The following FAM135A variants were observed in gnomAD, a reference collection of about 807,000 sequenced individuals.
FAM135A encodes the protein protein FAM135A.
A neutral mutation model predicts 146.8 loss-of-function variants in FAM135A; 79 were observed. The ratio of observed to expected loss-of-function variants is 0.54; its 90% confidence interval spans 0.45 to 0.65. The LOEUF is 0.65. FAM135A is among the 30% of genes least tolerant of loss of function. The probability of loss-of-function intolerance (pLI) is 0.00; values close to 1 mark genes in which losing one functional copy is unlikely to be tolerated. For missense variants in FAM135A, 1,623 were observed against 1,758.2 expected (o/e 0.92, Z 1.38); for synonymous variants, 562 against 603.6 (o/e 0.93, Z 1.01).
At chr6:70,496,858 G>T (rs1261096116) in intron 11 of FAM135A, among the ~76,000 whole-genome samples, 1 of 151,418 alleles carries the variant, frequency 6.6e-6, no homozygotes, top group African/African-American at 2.4e-5. Context: ...CTGTTCCATT[G>T]GTCTATGTAT....
At chr6:70,451,476 G>A (rs963606238) in intron 4 of FAM135A, among the ~76,000 whole-genome samples, 6 of 151,976 alleles carry the variant, frequency 3.9e-5, no homozygotes, top group African/African-American at 1.5e-4. Flanking sequence ...GTTTTCTCAT[G>A]TTTTCAAGCA....
intron 10 of FAM135A, among the ~76,000 whole-genome samples, chr6:70,488,048 T>C (rs949597062): frequency 6.6e-6 from 1 of 152,158 alleles, no homozygotes; most frequent in East Asian, 1.9e-4. Context: ...GTTAGATACA[T>C]GTACCCTTTG....
intron 5 of FAM135A, among the ~76,000 whole-genome samples, chr6:70,463,159 A>C (rs1234203956): frequency 6.6e-6 from 1 of 152,154 alleles, no homozygotes; most frequent in East Asian, 1.9e-4. Context: ...TATTTTGTGC[A>C]TGCTCTCCTC....
At chr6:70,487,857 T>A (rs902690425) in intron 10 of FAM135A, among the ~76,000 whole-genome samples, 5 of 152,170 alleles carry the variant, frequency 3.3e-5, no homozygotes, top group East Asian at 1.9e-4. Context: ...ATCTATTTTT[T>A]AAAAATGGGC....
intron 19 of FAM135A, among the ~76,000 whole-genome samples, chr6:70,537,817 GTTA>G (rs1199742494): frequency 6.6e-6 from 1 of 152,140 alleles, no homozygotes; most frequent in Admixed American, 6.5e-5. Context: ...ATATTCAGCT[GTTA>G]TTAGAAAACA....
chr6:70,516,677 G>A (rs1792329362), intron 12 of FAM135A, among the ~76,000 whole-genome samples: 1 of 151,628 alleles, frequency 6.6e-6, no homozygotes, highest in African/African-American at 2.4e-5. Context: ...TGGGACTACA[G>A]GCACTCGCCA....
intron 2 of FAM135A, among the ~76,000 whole-genome samples, 197 bp downstream of exon 2, chr6:70,415,573 A>G (rs908328131): frequency 6.6e-6 from 1 of 152,200 alleles, no homozygotes; most frequent in African/African-American, 2.4e-5. Context: ...TTTTTTAAAA[A>G]TGATTTTTCA....
chr6:70,510,024 A>G (rs1289041868), intron 12 of FAM135A, among the ~76,000 whole-genome samples: 1 of 152,156 alleles, frequency 6.6e-6, no homozygotes, highest in African/African-American at 2.4e-5. Flanking sequence ...GGTATAAAAT[A>G]TAGTTTTGGA....
intron 13 of FAM135A, among the ~76,000 whole-genome samples, chr6:70,523,235 T>C (rs999392515): frequency 6.6e-6 from 1 of 152,128 alleles, no homozygotes; most frequent in South Asian, 2.1e-4. Context: ...ACCATCTGAG[T>C]AGATGGAAAT....
chr6:70,550,168 C>G (rs1799559796), intron 20 of FAM135A, among the ~76,000 whole-genome samples: 1 of 152,138 alleles, frequency 6.6e-6, no homozygotes, highest in Non-Finnish European at 1.5e-5. Context: ...CAAAGTTATC[C>G]ATGAAGGTTG....
chr6:70,469,604 G>A (rs1781160132), intron 5 of FAM135A, among the ~76,000 whole-genome samples: 2 of 152,112 alleles, frequency 1.3e-5, no homozygotes, highest in South Asian at 4.1e-4. Context: ...AAAGAATAAA[G>A]TTCACAGATC....
At chr6:70,478,861 CTT>C (rs1423490104) in intron 8 of FAM135A, among the ~76,000 whole-genome samples, 5 of 151,890 alleles carry the variant, frequency 3.3e-5, no homozygotes, top group Non-Finnish European at 5.9e-5. Context: ...TTATTATAAA[CTT>C]AAAATTTTTT....
intron 2 of FAM135A, among the ~76,000 whole-genome samples, chr6:70,423,192 T>C (rs1769252536): frequency 6.6e-6 from 1 of 152,082 alleles, no homozygotes; most frequent in African/African-American, 2.4e-5. Flanking sequence ...ATAAGTATGA[T>C]GGGAGTGAGG....
intron 12 of FAM135A, chr6:70,504,035 T>C (rs772617007): frequency 2.6e-5 from 4 of 152,248 alleles, no homozygotes; most frequent in Non-Finnish European, 4.4e-5. Flanking sequence ...AGGTTATGCA[T>C]AACTTCAATT....
rs571972250 is a variant in FAM135A at position 70,491,738 on chromosome 6, C to G, written c.873+655C>G. 3.3e-5 allele frequency among the ~76,000 whole-genome samples: 5 copies of G among 151,948 alleles called. No individual in the cohort carries two copies. In the East Asian group the frequency reaches 9.7e-4, roughly 29 times the overall value. The stretch of plus-strand genomic sequence containing the variant: ...ACGCAGGATACATCAGTTTTGTATA[C>G]TGTCCTAGAGGTTTTCTCTGCAGTT... On this transcript the variant is annotated intron_variant, in intron 11 of 21. Coordinates refer to ENST00000418814, the MANE Select transcript of FAM135A (RefSeq NM_001162529.3).
intron 20 of FAM135A, among the ~76,000 whole-genome samples, chr6:70,547,887 A>G (rs1230865335): frequency 6.6e-6 from 1 of 152,196 alleles, no homozygotes; most frequent in Admixed American, 6.5e-5. Flanking sequence ...AAATAGGGAA[A>G]TCTTGTCACT....
Position 70,559,703 on chromosome 6 carries a change from G to A in FAM135A, c.4343-13G>A. On this transcript the variant is annotated splice_polypyrimidine_tract_variant and intron_variant, in intron 21 of 21. Coordinates refer to ENST00000418814, the MANE Select transcript of FAM135A (RefSeq NM_001162529.3). ...TTGTGAACTAATTTTCCTTTTTTCT[G>A]TTGGTTCCATAGGACAGATCTATTC... is the stretch of plus-strand genomic sequence containing the variant. The A allele has an allele frequency of 1.3e-6, 2 of 1,571,662 alleles. No homozygotes were observed. The highest frequency in any genetic ancestry group is 1.7e-6 in the Non-Finnish European group (2 of 1,157,124).
intron 11 of FAM135A, among the ~76,000 whole-genome samples, chr6:70,491,853 G>A (rs1394496899): frequency 1.3e-5 from 2 of 151,792 alleles, no homozygotes; most frequent in African/African-American, 2.4e-5. Context: ...ATCTTAAGAT[G>A]TGTGCAGTTA....
At chr6:70,437,072 CTA>C (rs567666759) in intron 4 of FAM135A, among the ~76,000 whole-genome samples, 1 of 151,832 alleles carries the variant, frequency 6.6e-6, no homozygotes, top group Admixed American at 6.6e-5. Context: ...TATTTATTAA[CTA>C]TATATATATA....
Sources: gnomAD v4.1 joint callset for allele counts (sites outside exome capture counted in the v4.1 genomes callset) on GRCh38, gnomAD v4.1.1 for gene constraint, MANE v1.5 for transcripts, NCBI Gene and HGNC (gene_info 2026-07-23, HGNC 2026-07-21) for gene names.